The following CHORDC1 variants were observed in gnomAD, a reference collection of about 807,000 sequenced individuals.
CHORDC1 encodes cysteine and histidine-rich domain-containing protein 1.
A neutral mutation model predicts 48.3 loss-of-function variants in CHORDC1; 25 were observed. The observed-to-expected ratio is 0.52, with a 90% confidence interval of 0.38 to 0.72. CHORDC1 has a LOEUF of 0.72. Among genes scored for constraint, CHORDC1 ranks in the 30% least tolerant of loss-of-function variants. The pLI is 0.00. For missense variants in CHORDC1, 317 were observed against 388.7 expected, an observed-to-expected ratio of 0.82 and a Z score of 1.55; for synonymous variants, 128 against 126.4, an observed-to-expected ratio of 1.01 and a Z score of -0.09.
rs747904689 is a variant in CHORDC1, at chr11:90,218,118, G to T, written c.114+17C>A. 6.5e-7 allele frequency: 1 copy of T among 1,532,214 alleles called. No individual in the cohort carries two copies. The highest frequency in any genetic ancestry group is 2.2e-5 in the Admixed American group (1 of 45,618). 94.9% of individuals were successfully genotyped at this position (1,532,214 alleles called of 1,614,324 possible). ...TTTACTACACAGATATGAAAAAAAT[G>T]AAAATATAGTTCCTACCTTTAATGC... is the stretch of plus-strand genomic sequence containing the variant. On this transcript the variant is annotated intron_variant, in intron 2 of 10. Coordinates refer to ENST00000320585, the MANE Select transcript of CHORDC1 (RefSeq NM_012124.3).
intron 1 of CHORDC1, among the ~76,000 whole-genome samples, chr11:90,220,503 A>G (rs186056583): frequency 1.2e-3 from 179 of 152,314 alleles, no homozygotes; most frequent in Non-Finnish European, 1.9e-3. Flanking sequence ...CCAAATTTAA[A>G]GTAGTCAGAA....
chr11:90,222,702 C>T (rs567747770), intron 1 of CHORDC1, 189 bp downstream of exon 1: 3 of 709,582 alleles, frequency 4.2e-6, no homozygotes, highest in East Asian at 5.4e-5. Flanking sequence ...GGGCGCTCGC[C>T]AAGGGAACGC....
At chr11:90,205,934 TAGCATCACTTTTAA>T (rs1487143556) in intron 7 of CHORDC1, 5 of 480,122 alleles carry the variant, frequency 1.0e-5, no homozygotes, top group Non-Finnish European at 1.9e-5. Flanking sequence ...TTAGCCCAAA[TAGCATCACTTTTAA>T]ATACAGAATA....
intron 3 of CHORDC1, 67 bp from the exon 4 acceptor site, chr11:90,214,242 T>C: frequency 8.4e-7 from 1 of 1,189,368 alleles, no homozygotes; most frequent in Non-Finnish European, 1.1e-6. Context: ...TATTATCTTT[T>C]CAGTTCTTTA....
At chr11:90,203,663 T>G (rs1857597166) in intron 8 of CHORDC1, among the ~76,000 whole-genome samples, 1 of 151,736 alleles carries the variant, frequency 6.6e-6, no homozygotes, top group Non-Finnish European at 1.5e-5. Flanking sequence ...CCCTTTGTTT[T>G]TTTCTTTCAG....
At chr11:90,208,771 G>A (rs1356623211) in intron 6 of CHORDC1, 1 of 152,130 alleles carries the variant, frequency 6.6e-6, no homozygotes. Context: ...AATCCCTTGA[G>A]CTACAAATTT....
In CHORDC1 at chr11:90,217,021, A is replaced by T. The variant is rs1215976021; in HGVS notation, c.114+1114T>A. The stretch of plus-strand genomic sequence containing the variant: ...AAATTCCACAAAAAGAAAAATAAAC[A>T]TTTCCACAGCACCACAGTTTCCACC... On this transcript the variant is annotated intron_variant, in intron 2 of 10. Transcript: ENST00000320585. Among the ~76,000 whole-genome samples the T allele has an allele frequency of 9.2e-5, 14 of 152,228 alleles. 1 individual carries two copies. The highest frequency in any genetic ancestry group is 9.2e-4 in the Admixed American group (14 of 15,284).
chr11:90,203,027 C>G, intron 9 of CHORDC1, 152 bp from the exon 10 acceptor site: 1 of 1,061,114 alleles, frequency 9.4e-7, no homozygotes, highest in Non-Finnish European at 1.3e-6. Flanking sequence ...AAGCCACTGA[C>G]AAAAAAGAAT....
In CHORDC1 at chr11:90,214,151, T is replaced by C; in HGVS notation, c.196A>G (p.Ser66Gly). The change falls in exon 4 of 11, where the codon AGT becomes GGT. Residue 66 changes from serine (S) to glycine (G), a missense_variant. Coordinates refer to ENST00000320585, the MANE Select transcript of CHORDC1 (RefSeq NM_012124.3). ...IVGCTKGRHN[S>G]EKPPEPVKPE... The stretch of plus-strand genomic sequence containing the variant: ...TTGACTGGCTCAGGTGGCTTCTCAC[T>C]ATTATGTCTACCTTTTGTACAGCCC... The C allele has an allele frequency of 6.2e-7, 1 of 1,612,794 alleles. No individual in the cohort carries two copies. Among genetic ancestry groups the C allele is most frequent in the African/African-American group, 1.3e-5 (1 of 75,004 alleles).
chr11:90,216,703 GA>G, intron 2 of CHORDC1: 1 of 302,646 alleles, frequency 3.3e-6, no homozygotes, highest in South Asian at 2.8e-5. Flanking sequence ...CAAATGATCA[GA>G]AAGTCAGTAG....
intron 2 of CHORDC1, 44 bp from the exon 3 acceptor site, chr11:90,215,274 A>T: frequency 7.4e-7 from 1 of 1,344,210 alleles, no homozygotes; most frequent in Non-Finnish European, 1.0e-6. Flanking sequence ...TATTTGCATG[A>T]GAAACACGAC....
intron 2 of CHORDC1, among the ~76,000 whole-genome samples, chr11:90,217,280 T>A (rs1201796835): frequency 1.3e-5 from 2 of 152,188 alleles, no homozygotes; most frequent in Admixed American, 1.3e-4. Flanking sequence ...CTGCTTATGT[T>A]CCTGAGAACC....
At chr11:90,207,787 A>AAAAAAAT (rs1857743056) in intron 6 of CHORDC1, 5 of 146,152 alleles carry the variant, frequency 3.4e-5, no homozygotes, top group Non-Finnish European at 6.0e-5. Flanking sequence ...AACAAAAAAA[A>AAAAAAAT]CTCGTATAAC....
chr11:90,203,689 A>G (rs1857598061), intron 8 of CHORDC1, among the ~76,000 whole-genome samples: 1 of 147,596 alleles, frequency 6.8e-6, no homozygotes, highest in African/African-American at 2.4e-5. Context: ...TAATATTGAT[A>G]CACAGCTAAA....
intron 1 of CHORDC1, among the ~76,000 whole-genome samples, chr11:90,220,977 G>A (rs962457493): frequency 6.6e-6 from 1 of 151,768 alleles, no homozygotes; most frequent in Non-Finnish European, 1.5e-5. Flanking sequence ...TTTAACTTCA[G>A]TTACAAGTTA....
In CHORDC1 at chr11:90,201,668, A is replaced by G. The variant is rs1383386843; in HGVS notation, c.*737T>C. The G allele has an allele frequency of 6.6e-6, 1 of 152,392 alleles. No individual in the cohort carries two copies. The highest frequency in any genetic ancestry group is 1.5e-5 in the Non-Finnish European group (1 of 67,870). 9.4% of individuals were successfully genotyped at this position (152,392 alleles called of 1,614,324 possible). ...CAGTAACAATTAGTCATAACACCATACAAACACATTTAAATATTCAGGAAA... is the reference window on the plus strand; with the variant it reads ...CAGTAACAATTAGTCATAACACCATGCAAACACATTTAAATATTCAGGAAA... On this transcript the variant is annotated 3_prime_UTR_variant, in exon 11 of 11. Coordinates refer to ENST00000320585, the MANE Select transcript of CHORDC1 (RefSeq NM_012124.3).
intron 6 of CHORDC1, chr11:90,208,868 C>CT (rs1309035008): frequency 3.3e-5 from 5 of 152,176 alleles, no homozygotes; most frequent in African/African-American, 1.2e-4. Context: ...CCTCCACACT[C>CT]TAACGTACAA....
At chr11:90,205,962 A>C in intron 7 of CHORDC1, 1 of 514,958 alleles carries the variant, frequency 1.9e-6, no homozygotes, top group Non-Finnish European at 3.5e-6. Context: ...CAGAATATGA[A>C]GAAAAACAGG....
chr11:90,210,741 T>TG (rs1857838036), intron 5 of CHORDC1, 147 bp from the exon 6 acceptor site: 2 of 603,766 alleles, frequency 3.3e-6, no homozygotes, highest in African/African-American at 3.7e-5. Context: ...AATTGATATA[T>TG]GACACATTTC....
Sources: allele counts gnomAD v4.1 joint callset (sites outside exome capture counted in the v4.1 genomes callset), GRCh38; gene constraint gnomAD v4.1.1; transcripts MANE v1.5; gene names NCBI Gene and HGNC (gene_info 2026-07-23, HGNC 2026-07-21).